The following VWA3B variants were observed in gnomAD, a reference collection of about 807,000 sequenced individuals.
VWA3B encodes von Willebrand factor A domain containing 3B.
In VWA3B, 138 loss-of-function variants were observed where a neutral mutation model predicts 158.3. The ratio of observed to expected loss-of-function variants is 0.87; its 90% CI spans 0.76 to 1.00. The LOEUF (loss-of-function observed/expected upper bound fraction) is 1.00. Ranked by LOEUF, VWA3B falls within the 50% of genes least tolerant of loss-of-function variation. The pLI, the probability that VWA3B is intolerant of heterozygous loss-of-function variation, is 0.00. For missense variants in VWA3B, 1,555 were observed against 1,565.1 expected (o/e 0.99, Z 0.11); for synonymous variants, 596 against 587.3 (o/e 1.01, Z -0.21).
chr2:98,109,583 C>G (rs1173666318), intron 2 of VWA3B, among the ~76,000 whole-genome samples: 2 of 152,080 alleles, frequency 1.3e-5, no homozygotes, highest in African/African-American at 2.4e-5. Context: ...TTTTATTTGC[C>G]TATAGTTTTG....
chr2:98,290,566 C>T lies in VWA3B; in HGVS notation c.3101C>T (p.Pro1034Leu). The change falls in exon 23 of 28, where the codon CCC becomes CTC. Residue 1034 changes from proline (P) to leucine (L), a missense_variant. Transcript: ENST00000477737. ...TKKTKSKRPDPLKGQKVIARC... is the reference protein window; with the variant it reads ...TKKTKSKRPDLLKGQKVIARC... ...AAAACCAAATCAAAAAGACCAGATC[C>T]CCTCAAAGGACAGAAGGTTATTGCA... is the stretch of plus-strand genomic sequence containing the variant. 3 of 1,590,058 alleles carry T rather than the reference C, an allele frequency of 1.9e-6. No individual in the cohort carries two copies. Among genetic ancestry groups the T allele is most frequent in the Non-Finnish European group, 1.7e-6 (2 of 1,173,620 alleles).
At chr2:98,108,436 G>A (rs964623083) in intron 2 of VWA3B, among the ~76,000 whole-genome samples, 1 of 152,162 alleles carries the variant, frequency 6.6e-6, no homozygotes, top group Non-Finnish European at 1.5e-5. Context: ...CAGTTATTGA[G>A]AAAGCAGTAT....
In VWA3B at chr2:98,183,189, C is replaced by CTTTTTTTTTTTTTT. The variant is rs1244544813; in HGVS notation, c.1311+1985_1311+1998dup. ...AATTATTAATATATAGTACAGCTCC[C>CTTTTTTTTTTTTTT]TTTTTTTTTTTTTTTTTTTTTACAA... is the stretch of plus-strand genomic sequence containing the variant. On this transcript the variant is annotated intron_variant, in intron 9 of 27. Transcript: ENST00000477737. Among the ~76,000 whole-genome samples, 4 of 124,598 alleles carry CTTTTTTTTTTTTTT rather than the reference C, an allele frequency of 3.2e-5. No homozygotes were observed. In the East Asian group the frequency reaches 6.7e-4, roughly 21 times the overall value. 81.7% of individuals were successfully genotyped at this position (124,598 alleles called of 152,430 possible). A position where few individuals can be genotyped will look rare whatever the true frequency, so the allele number is the denominator to read the frequency against.
At chr2:98,241,173 A>C (rs1364930519) in intron 19 of VWA3B, among the ~76,000 whole-genome samples, 1 of 152,052 alleles carries the variant, frequency 6.6e-6, no homozygotes, top group Admixed American at 6.5e-5. Context: ...GAAGAGAAGG[A>C]GTTATGAAGG....
intron 12 of VWA3B, among the ~76,000 whole-genome samples, chr2:98,211,697 A>T (rs901120070): frequency 6.6e-6 from 1 of 152,250 alleles, no homozygotes; most frequent in Non-Finnish European, 1.5e-5. Flanking sequence ...TCAAGACAGG[A>T]AATCCACAGT....
rs1369584048 is a variant in VWA3B at position 98,228,249 on chromosome 2, T to C, written c.2067T>C (p.Ser689=). 1 of 1,614,064 alleles carries C rather than the reference T, an allele frequency of 6.2e-7. No individual in the cohort carries two copies. Among genetic ancestry groups the C allele is most frequent in the East Asian group, 2.2e-5 (1 of 44,864 alleles). ...TTAAGGAAATGGAACAGGGTCACAG[T>C]GATCTGGAGAAGATGCAAGACCTTT... is the stretch of plus-strand genomic sequence containing the variant. ...LLVKEMEQGH[S]DLEKMQDLYS... is the part of the protein sequence containing the mutation. Residue 689 remains serine, a synonymous_variant, in exon 15 of 28, where the codon AGT becomes AGC. Transcript: ENST00000477737.
chr2:98,287,868 G>A (rs1245227915), intron 22 of VWA3B, among the ~76,000 whole-genome samples: 1 of 151,990 alleles, frequency 6.6e-6, no homozygotes, highest in African/African-American at 2.4e-5. Flanking sequence ...CTATTGTTTT[G>A]TCTTAGAGTA....
intron 8 of VWA3B, among the ~76,000 whole-genome samples, chr2:98,163,431 A>G (rs989855933): frequency 6.6e-6 from 1 of 152,062 alleles, no homozygotes; most frequent in Admixed American, 6.5e-5. Context: ...CCAGCTACTC[A>G]GGAGGCTGAG....
intron 2 of VWA3B, among the ~76,000 whole-genome samples, chr2:98,094,296 C>T (rs770575677): frequency 1.3e-5 from 2 of 152,076 alleles, no homozygotes; most frequent in Admixed American, 6.6e-5. Context: ...CATATCCTTG[C>T]CAACACTTAT....
At chr2:98,121,647 G>A (rs147114177) in intron 5 of VWA3B, among the ~76,000 whole-genome samples, 189 bp downstream of exon 5, 38 of 152,182 alleles carry the variant, frequency 2.5e-4, no homozygotes, top group Non-Finnish European at 4.0e-4. Context: ...CTGAATACCC[G>A]TCTCCTGAAC....
chr2:98,194,272 C>A, intron 11 of VWA3B, 89 bp from the exon 12 acceptor site: 1 of 1,359,468 alleles, frequency 7.4e-7, no homozygotes, highest in Non-Finnish European at 1.0e-6. Context: ...TAGAGACCAT[C>A]ATGATTAAAA....
At chr2:98,129,205 A>AGG (rs766793107) in intron 6 of VWA3B, among the ~76,000 whole-genome samples, 6,267 of 100,378 alleles carry the variant, frequency 0.062, 152 homozygotes, top group African/African-American at 0.11. Flanking sequence ...AGAGAGAGAG[A>AGG]GGAGAGAGAG....
rs1266243635 is a variant in VWA3B at position 98,168,372 on chromosome 2, CACAT to C, written c.1114+5400_1114+5403del. Among the ~76,000 whole-genome samples the C allele has an allele frequency of 3.2e-3, 384 of 121,738 alleles. 1 individual carries two copies. The highest frequency in any genetic ancestry group is 0.01 in the African/African-American group (358 of 34,882). 79.9% of individuals were successfully genotyped at this position (121,738 alleles called of 152,430 possible). On this transcript the variant is annotated intron_variant, in intron 8 of 27. Transcript: ENST00000477737. ...TCCCTTTGTTTCAATCTAATACACA[CACAT>C]ACACACACACACACACACACACACA...
chr2:98,271,714 G>T (rs1296848461), intron 22 of VWA3B, among the ~76,000 whole-genome samples: 1 of 151,994 alleles, frequency 6.6e-6, no homozygotes, highest in East Asian at 1.9e-4. Context: ...TGACTACTGT[G>T]GTGCACAGTT....
At chr2:98,228,530 AG>A (rs1685099809) in intron 15 of VWA3B, among the ~76,000 whole-genome samples, 198 bp downstream of exon 15, 1 of 152,186 alleles carries the variant, frequency 6.6e-6, no homozygotes, top group African/African-American at 2.4e-5. Flanking sequence ...TGTGGGCTTG[AG>A]GAGGCCACAT....
the VWA3B span, among the ~76,000 whole-genome samples, chr2:98,322,420 G>C: frequency 6.6e-6 from 1 of 152,100 alleles, no homozygotes; most frequent in Non-Finnish European, 1.5e-5. Context: ...AAAGAAAAAC[G>C]CTCAGCATCA....
intron 19 of VWA3B, among the ~76,000 whole-genome samples, chr2:98,247,519 A>G (rs62156721): frequency 6.6e-6 from 1 of 152,028 alleles, no homozygotes; most frequent in African/African-American, 2.4e-5. Context: ...ATATCTCTTT[A>G]TATCTAAAAA....
In VWA3B at chr2:98,311,952, G is replaced by C; in HGVS notation, c.3655G>C (p.Ala1219Pro). Residue 1219 changes from alanine (A) to proline (P), a missense_variant, in exon 27 of 28, where the codon GCG becomes CCG. By Grantham distance (27) the Ala-to-Pro change is conservative (BLOSUM62 -1). Transcript: ENST00000477737. ...GCCCGCCAAGCAGCCACTCCAGCAGGCGGCGCCCTCGGACTCGGACGGCTC... is the reference window on the plus strand; with the variant it reads ...GCCCGCCAAGCAGCCACTCCAGCAGCCGGCGCCCTCGGACTCGGACGGCTC... ...KRPAKQPLQQ[A>P]APSDSDGSSH... 1 of 1,607,462 alleles carries C rather than the reference G, an allele frequency of 6.2e-7. No individual in the cohort carries two copies. The highest frequency in any genetic ancestry group is 8.5e-7 in the Non-Finnish European group (1 of 1,176,946).
chr2:98,213,590 G>C (rs1683722737), intron 13 of VWA3B, among the ~76,000 whole-genome samples: 1 of 152,162 alleles, frequency 6.6e-6, no homozygotes, highest in African/African-American at 2.4e-5. Context: ...AAGGAGTCAG[G>C]ATGACTGATT....
Sources: gnomAD v4.1 joint callset for allele counts (sites outside exome capture counted in the v4.1 genomes callset) on GRCh38, gnomAD v4.1.1 for gene constraint, MANE v1.5 for transcripts, NCBI Gene and HGNC (gene_info 2026-07-23, HGNC 2026-07-21) for gene names.